The following LUZP2 variants were observed in gnomAD, a reference collection of about 807,000 sequenced individuals.
LUZP2 encodes the protein leucine zipper protein 2.
Under a neutral mutation model 51.6 loss-of-function variants are expected in LUZP2, and 52 were observed. The observed-to-expected ratio is 1.01, with a 90% CI of 0.81 to 1.27. LUZP2 has a LOEUF of 1.27. LUZP2 is among the 50% of genes most tolerant of loss of function. The pLI, the probability that LUZP2 is intolerant of heterozygous loss-of-function variation, is 0.00. For missense variants in LUZP2, 436 were observed against 395.4 expected (o/e 1.10, Z -0.87); for synonymous variants, 154 against 137.3 (o/e 1.12, Z -0.85).
At chr11:24,667,052 T>C (rs562574802) in intron 1 of LUZP2, among the ~76,000 whole-genome samples, 1 of 152,296 alleles carries the variant, frequency 6.6e-6, no homozygotes, top group African/African-American at 2.4e-5. Flanking sequence ...TAGAGAAACA[T>C]TCCTTAAAAA....
At chr11:24,936,431 G>A (rs892149347) in intron 7 of LUZP2, among the ~76,000 whole-genome samples, 90 of 152,186 alleles carry the variant, frequency 5.9e-4, no homozygotes, top group Middle Eastern at 3.4e-3. Flanking sequence ...ATGGAAGGCC[G>A]GCAAATAGCT....
intron 5 of LUZP2, among the ~76,000 whole-genome samples, chr11:24,845,321 G>T (rs888089197): frequency 6.6e-6 from 1 of 152,148 alleles, no homozygotes; most frequent in African/African-American, 2.4e-5. Flanking sequence ...GACTTATATA[G>T]CCTCTTTGTC....
At chr11:25,006,019 T>C (rs891477437) in intron 9 of LUZP2, among the ~76,000 whole-genome samples, 5 of 152,110 alleles carry the variant, frequency 3.3e-5, no homozygotes, top group Admixed American at 6.6e-5. Context: ...TCCTTACTTA[T>C]ATGAATAGGA....
At chr11:25,013,367 T>C (rs1473117474) in intron 9 of LUZP2, among the ~76,000 whole-genome samples, 3 of 152,160 alleles carry the variant, frequency 2.0e-5, no homozygotes, top group Non-Finnish European at 4.4e-5. Context: ...ACAACCTAGA[T>C]ACCCTGACCA....
In LUZP2 at chr11:24,684,876, A is replaced by C. The variant is rs149957698; in HGVS notation, c.63-44293A>C. ...TCCTGTATCAGGGCTAACATAAAGC[A>C]ATAGTTATTCTTAAAAGTTACCTCC... On this transcript the variant is annotated intron_variant, in intron 1 of 11. Transcript: ENST00000336930. Among the ~76,000 whole-genome samples the C allele has an allele frequency of 1.6e-3, 249 of 152,276 alleles. 1 individual carries two copies. Among genetic ancestry groups the C allele is most frequent in the East Asian group, 0.012 (61 of 5,178 alleles).
intron 1 of LUZP2, among the ~76,000 whole-genome samples, chr11:24,633,728 A>G (rs1285279094): frequency 6.6e-6 from 1 of 151,974 alleles, no homozygotes; most frequent in Non-Finnish European, 1.5e-5. Flanking sequence ...TTTCTATCTC[A>G]TAATGAATGA....
At chr11:24,766,229 A>AT (rs897865952) in intron 5 of LUZP2, among the ~76,000 whole-genome samples, 15 of 151,056 alleles carry the variant, frequency 9.9e-5, no homozygotes, top group African/African-American at 1.2e-4. Flanking sequence ...TTCTCTTTAT[A>AT]TTTTTTTTTA....
chr11:25,068,863 C>A (rs1859070931), intron 10 of LUZP2, among the ~76,000 whole-genome samples: 1 of 151,914 alleles, frequency 6.6e-6, no homozygotes, highest in African/African-American at 2.4e-5. Flanking sequence ...GATGCATCCC[C>A]CTCACTTACA....
At chr11:24,750,914 A>G (rs1465162002) in intron 4 of LUZP2, among the ~76,000 whole-genome samples, 1 of 152,164 alleles carries the variant, frequency 6.6e-6, no homozygotes, top group Admixed American at 6.5e-5. Flanking sequence ...TCTATTTTTA[A>G]ATGATATTCT....
intron 3 of LUZP2, among the ~76,000 whole-genome samples, chr11:24,737,030 G>C (rs914908899): frequency 2.6e-5 from 4 of 152,024 alleles, no homozygotes; most frequent in Admixed American, 6.6e-5. Flanking sequence ...TAATTAAGCT[G>C]GCAGCCCCAT....
At chr11:24,742,042 T>C (rs1859196665) in intron 4 of LUZP2, among the ~76,000 whole-genome samples, 1 of 124,428 alleles carries the variant, frequency 8.0e-6, no homozygotes, top group African/African-American at 3.0e-5. Flanking sequence ...TATAAATACA[T>C]AAAAATAAAT....
intron 9 of LUZP2, among the ~76,000 whole-genome samples, chr11:25,031,485 A>G (rs1014363747): frequency 2.0e-5 from 3 of 152,126 alleles, no homozygotes; most frequent in Non-Finnish European, 4.4e-5. Context: ...TTTTATGCCA[A>G]ATTTCTCATT....
chr11:24,960,291 T>G (rs184663495), intron 7 of LUZP2, among the ~76,000 whole-genome samples: 1 of 152,196 alleles, frequency 6.6e-6, no homozygotes, highest in Admixed American at 6.5e-5. Context: ...GATTCCCTCT[T>G]TTTCTATTGA....
rs189288773 is a variant in LUZP2 at position 25,061,654 on chromosome 11, G to A, written c.858+11524G>A. Among the ~76,000 whole-genome samples, 24 of 151,962 alleles carry A rather than the reference G, an allele frequency of 1.6e-4. No homozygotes were observed. In the East Asian group the frequency reaches 4.3e-3, roughly 27 times the overall value. On this transcript the variant is annotated intron_variant, in intron 10 of 11. Transcript: ENST00000336930. The stretch of plus-strand genomic sequence containing the variant: ...CTTAATTGAGATGATGAAGGTATTT[G>A]GAAGACTTGTACTACTCTTTGTATT...
At chr11:24,649,607 T>A (rs1323604165) in intron 1 of LUZP2, among the ~76,000 whole-genome samples, 1 of 151,908 alleles carries the variant, frequency 6.6e-6, no homozygotes, top group Non-Finnish European at 1.5e-5. Flanking sequence ...CACTAATATA[T>A]TTTTGCTTTA....
intron 9 of LUZP2, among the ~76,000 whole-genome samples, chr11:25,006,955 A>T (rs373729210): frequency 2.0e-5 from 3 of 152,192 alleles, no homozygotes; most frequent in African/African-American, 4.8e-5. Context: ...TATTTGGCCC[A>T]GCCACATCCT....
intron 9 of LUZP2, among the ~76,000 whole-genome samples, chr11:25,020,625 T>C (rs7127689): frequency 6.6e-6 from 1 of 151,810 alleles, no homozygotes; most frequent in African/African-American, 2.4e-5. Context: ...TGTTCAGTTT[T>C]GATTCTACAT....
intron 5 of LUZP2, among the ~76,000 whole-genome samples, chr11:24,883,880 C>T (rs895073116): frequency 6.6e-6 from 1 of 151,950 alleles, no homozygotes; most frequent in African/African-American, 2.4e-5. Flanking sequence ...GGTAAAACTC[C>T]ATAAGTAGAA....
chr11:24,855,697 G>A (rs75779888), intron 5 of LUZP2, among the ~76,000 whole-genome samples: 3,799 of 152,228 alleles, frequency 0.025, 64 homozygotes, highest in Non-Finnish European at 0.028. Context: ...GGAAGGCATC[G>A]TATTACCTGA....
Sources: allele counts gnomAD v4.1 joint callset (sites outside exome capture counted in the v4.1 genomes callset), GRCh38; gene constraint gnomAD v4.1.1; transcripts MANE v1.5; gene names NCBI Gene and HGNC (gene_info 2026-07-23, HGNC 2026-07-21).